RYR2: variants seen among roughly 807,000 people sequenced by gnomAD.
The protein encoded by RYR2 is ryanodine receptor 2.
Under a neutral mutation model 601.1 loss-of-function variants are expected in RYR2, and 227 were observed. That is an observed-to-expected ratio of 0.38 (90% CI 0.34 to 0.42). The LOEUF is 0.42. Ranked by LOEUF, RYR2 falls within the 10% of genes least tolerant of loss-of-function variation. The pLI is 1.00. For synonymous variants in RYR2, 2,223 were observed against 2,175.1 expected (o/e 1.02, Z -0.61); for missense variants, 4,646 against 6,156.5 (o/e 0.75, Z 8.21).
intron 78 of RYR2, among the ~76,000 whole-genome samples, chr1:237,732,436 AAACTTTAT>A (rs1410809925): frequency 1.3e-5 from 2 of 152,224 alleles, no homozygotes; most frequent in Admixed American, 6.5e-5. Flanking sequence ...TATCACAAAC[AAACTTTAT>A]AAATAAAACA....
intron 11 of RYR2, among the ~76,000 whole-genome samples, chr1:237,418,587 C>A (rs1399969149): frequency 6.6e-6 from 1 of 152,148 alleles, no homozygotes; most frequent in East Asian, 1.9e-4. Flanking sequence ...GGTTACATCA[C>A]CCTTTTCAAA....
intron 17 of RYR2, among the ~76,000 whole-genome samples, chr1:237,476,734 A>G (rs1055398491): frequency 3.3e-5 from 5 of 152,160 alleles, no homozygotes; most frequent in Non-Finnish European, 7.3e-5. Context: ...AATCTTGTGT[A>G]GCAGGAAGTT....
intron 3 of RYR2, among the ~76,000 whole-genome samples, chr1:237,334,344 T>C (rs1697042486): frequency 6.6e-6 from 1 of 151,948 alleles, no homozygotes; most frequent in Admixed American, 6.6e-5. Flanking sequence ...AGTTGCTTAT[T>C]GTGACTATTA....
At chr1:237,386,623 C>T (rs1701975941) in intron 8 of RYR2, among the ~76,000 whole-genome samples, 1 of 152,166 alleles carries the variant, frequency 6.6e-6, no homozygotes, top group South Asian at 2.1e-4. Context: ...TCTTAGTTAA[C>T]ATTTGATAAT....
In RYR2 at chr1:237,833,365, C is replaced by CAA. The variant is rs1664038452; in HGVS notation, c.*718_*719insAA. 7.2e-6 allele frequency: 1 copy of CAA among 139,182 alleles called. No individual in the cohort carries two copies. Among genetic ancestry groups the CAA allele is most frequent in the Admixed American group, 7.6e-5 (1 of 13,154 alleles). 8.6% of individuals were successfully genotyped at this position (139,182 alleles called of 1,614,324 possible). A position where few individuals can be genotyped will look rare whatever the true frequency, so the allele number is the denominator to read the frequency against. ...AATTCACATTTGCCCCCCCCCCCCG[C>CAA]CCCCGCCCCCATATGCTCCTGCTAT... On this transcript the variant is annotated 3_prime_UTR_variant, in exon 105 of 105. Coordinates refer to ENST00000366574, the MANE Select transcript of RYR2 (RefSeq NM_001035.3).
At chr1:237,366,150 TG>T (rs1700176434) in intron 5 of RYR2, among the ~76,000 whole-genome samples, 1 of 152,240 alleles carries the variant, frequency 6.6e-6, no homozygotes, top group South Asian at 2.1e-4. Flanking sequence ...TAGAACCAGA[TG>T]GATGCTTTCT....
At chr1:237,572,772 A>G (rs1386484576) in intron 29 of RYR2, among the ~76,000 whole-genome samples, 2 of 152,044 alleles carry the variant, frequency 1.3e-5, no homozygotes, top group East Asian at 3.9e-4. Flanking sequence ...ATGAATCTAA[A>G]TTTTCTACTA....
At chr1:237,282,300 A>C (rs1339607766) in intron 2 of RYR2, among the ~76,000 whole-genome samples, 2 of 152,054 alleles carry the variant, frequency 1.3e-5, no homozygotes, top group African/African-American at 4.8e-5. Flanking sequence ...GACCATATGT[A>C]AACAGATGAA....
chr1:237,308,972 C>T (rs1217861073), intron 2 of RYR2, among the ~76,000 whole-genome samples: 1 of 152,252 alleles, frequency 6.6e-6, no homozygotes, highest in Non-Finnish European at 1.5e-5. Context: ...CAAAAGTTCT[C>T]CAAGTCCCCA....
At position 237,452,044 on chromosome 1, in the gene RYR2, T is replaced by C. The variant is rs1658202605; in HGVS notation, c.1293-2347T>C. On this transcript the variant is annotated intron_variant, in intron 14 of 104. Transcript: ENST00000366574. ...GTCTTCAGGGAAGGGAGCTCTATTC[T>C]TTTGGCCTGGGGTGGGGAATATATA... Among the ~76,000 whole-genome samples, 3 of 134,150 alleles carry C rather than the reference T, an allele frequency of 2.2e-5. No homozygotes were observed. The South Asian group carries it at 7.8e-4, about 35-fold the overall frequency. 88.0% of individuals were successfully genotyped at this position (134,150 alleles called of 152,430 possible). A position where few individuals can be genotyped will look rare whatever the true frequency, so the allele number is the denominator to read the frequency against.
chr1:237,677,404 C>T (rs1351841954), intron 60 of RYR2, among the ~76,000 whole-genome samples: 1 of 152,154 alleles, frequency 6.6e-6, no homozygotes, highest in African/African-American at 2.4e-5. Context: ...AATTCTTGAC[C>T]TTGGTAAACC....
chr1:237,455,395 C>A (rs571917458), intron 15 of RYR2, among the ~76,000 whole-genome samples: 1 of 151,780 alleles, frequency 6.6e-6, no homozygotes, highest in East Asian at 1.9e-4. Flanking sequence ...AAGAGGGGAA[C>A]AATAAATACC....
At chr1:237,340,418 T>C (rs1266764707) in intron 3 of RYR2, among the ~76,000 whole-genome samples, 1 of 152,180 alleles carries the variant, frequency 6.6e-6, no homozygotes, top group Non-Finnish European at 1.5e-5. Context: ...TATAATGTGG[T>C]ATGAATCTGC....
intron 1 of RYR2, among the ~76,000 whole-genome samples, chr1:237,113,344 G>A (rs1669708779): frequency 6.6e-6 from 1 of 151,846 alleles, no homozygotes; most frequent in Non-Finnish European, 1.5e-5. Context: ...GATTACAGGT[G>A]TGCGCCACCA....
intron 3 of RYR2, among the ~76,000 whole-genome samples, chr1:237,340,739 A>G (rs1469729939): frequency 6.6e-6 from 1 of 152,244 alleles, no homozygotes; most frequent in Non-Finnish European, 1.5e-5. Flanking sequence ...TAATTAATGT[A>G]ATATTTAGCC....
chr1:237,775,978 G>A (rs554161367), intron 87 of RYR2, among the ~76,000 whole-genome samples: 1 of 152,266 alleles, frequency 6.6e-6, no homozygotes, highest in South Asian at 2.1e-4. Context: ...TGTCACATGA[G>A]GGTTGGCCAA....
intron 1 of RYR2, among the ~76,000 whole-genome samples, chr1:237,065,606 C>T (rs1174351631): frequency 2.6e-5 from 4 of 152,090 alleles, no homozygotes; most frequent in Admixed American, 6.6e-5. Flanking sequence ...TATAGTCATA[C>T]ACTTCCTCCT....
chr1:237,651,736 A>G (rs1014992578), intron 51 of RYR2, among the ~76,000 whole-genome samples: 36 of 152,114 alleles, frequency 2.4e-4, no homozygotes, highest in African/African-American at 7.5e-4. Flanking sequence ...ATAGAAATCA[A>G]TTGAAAAAAA....
At chr1:237,063,624 A>G (rs916123820) in intron 1 of RYR2, among the ~76,000 whole-genome samples, 4 of 151,564 alleles carry the variant, frequency 2.6e-5, no homozygotes, top group Admixed American at 2.0e-4. Flanking sequence ...TCTCTCTTCA[A>G]CTCCTTAAGA....
Sources: allele counts gnomAD v4.1 joint callset (sites outside exome capture counted in the v4.1 genomes callset), GRCh38; gene constraint gnomAD v4.1.1; transcripts MANE v1.5; gene names NCBI Gene and HGNC (gene_info 2026-07-23, HGNC 2026-07-21).